The following ACTR5 variants were observed in gnomAD, a reference collection of about 807,000 sequenced individuals.
ACTR5 encodes the protein actin-related protein 5.
A neutral mutation model predicts 61.2 loss-of-function variants in ACTR5; 43 were observed. That is an observed-to-expected ratio of 0.70 (90% CI 0.55 to 0.91). ACTR5 has a LOEUF of 0.91. Among genes scored for constraint, ACTR5 ranks in the 40% least tolerant of loss-of-function variants. ACTR5 has a pLI of 0.00. For synonymous variants in ACTR5, 333 were observed against 310.5 expected (o/e 1.07, Z -0.76); for missense variants, 798 against 782.2 (o/e 1.02, Z -0.24).
At position 38,771,974 on chromosome 20, in the gene ACTR5, T is replaced by G. The variant is rs759174664; in HGVS notation, c.*158T>G. The G allele has an allele frequency of 8.7e-6, 9 of 1,039,864 alleles. No individual in the cohort carries two copies. Among genetic ancestry groups the G allele is most frequent in the Non-Finnish European group, 8.1e-6 (6 of 738,136 alleles). 64.4% of individuals were successfully genotyped at this position (1,039,864 alleles called of 1,614,324 possible). A position where few individuals can be genotyped will look rare whatever the true frequency, so the allele number is the denominator to read the frequency against. On this transcript the variant is annotated 3_prime_UTR_variant, in exon 9 of 9. Coordinates refer to ENST00000243903, the MANE Select transcript of ACTR5 (RefSeq NM_024855.4). ...TGGGGAGAACAAAGTTAAGGGACAC[T>G]GAGACCTGCCCTTCAGAATTCGGTT...
At chr20:38,770,211 G>T (rs2084511993) in intron 8 of ACTR5, among the ~76,000 whole-genome samples, 1 of 151,338 alleles carries the variant, frequency 6.6e-6, no homozygotes, top group South Asian at 2.1e-4. Context: ...TATGTATTCA[G>T]CAGTGGCTCA....
intron 2 of ACTR5, 35 bp downstream of exon 2, chr20:38,750,274 GAGA>G: frequency 1.9e-6 from 3 of 1,568,710 alleles, no homozygotes; most frequent in Non-Finnish European, 2.6e-6. Context: ...GTGCGATTTT[GAGA>G]AGCATTCAGG....
intron 4 of ACTR5, 55 bp from the exon 5 acceptor site, chr20:38,755,802 C>T: frequency 6.2e-7 from 1 of 1,603,642 alleles, no homozygotes; most frequent in Non-Finnish European, 8.5e-7. Flanking sequence ...CTGTCGTTTT[C>T]TCCGTTTGGC....
chr20:38,755,818 A>G (rs759028392), intron 4 of ACTR5, 39 bp from the exon 5 acceptor site: 3 of 1,611,930 alleles, frequency 1.9e-6, no homozygotes, highest in Middle Eastern at 1.7e-4. Flanking sequence ...TTGGCTTTGA[A>G]GCTACTTTCC....
chr20:38,761,299 A>G (rs2084452600), intron 5 of ACTR5, among the ~76,000 whole-genome samples: 1 of 152,114 alleles, frequency 6.6e-6, no homozygotes, highest in South Asian at 2.1e-4. Context: ...AGGTGGAGCT[A>G]TGGGAGGACA....
At chr20:38,762,490 T>C (rs1282147884) in intron 5 of ACTR5, among the ~76,000 whole-genome samples, 2 of 152,138 alleles carry the variant, frequency 1.3e-5, no homozygotes, top group Non-Finnish European at 2.9e-5. Flanking sequence ...TCCACCTCTG[T>C]TTGGGGAGTG....
chr20:38,771,964 T>G lies in ACTR5; in HGVS notation c.*148T>G. 1 of 1,148,136 alleles carries G rather than the reference T, an allele frequency of 8.7e-7. No homozygotes were observed. Among genetic ancestry groups the G allele is most frequent in the Non-Finnish European group, 1.2e-6 (1 of 835,284 alleles). 71.1% of individuals were successfully genotyped at this position (1,148,136 alleles called of 1,614,324 possible). On this transcript the variant is annotated 3_prime_UTR_variant, in exon 9 of 9. Coordinates refer to ENST00000243903, the MANE Select transcript of ACTR5 (RefSeq NM_024855.4). ...GGATTTCTCCTGGGGAGAACAAAGTTAAGGGACACTGAGACCTGCCCTTCA... is the reference window on the plus strand; with the variant it reads ...GGATTTCTCCTGGGGAGAACAAAGTGAAGGGACACTGAGACCTGCCCTTCA...
At chr20:38,760,900 G>GTA (rs1236914578) in intron 5 of ACTR5, among the ~76,000 whole-genome samples, 1 of 151,614 alleles carries the variant, frequency 6.6e-6, no homozygotes, top group Non-Finnish European at 1.5e-5. Context: ...ACAGGCTGGA[G>GTA]TATATGTTGT....
chr20:38,764,031 G>A (rs1568637261), intron 5 of ACTR5, among the ~76,000 whole-genome samples: 1 of 152,190 alleles, frequency 6.6e-6, no homozygotes, highest in African/African-American at 2.4e-5. Flanking sequence ...CATCTTGCAT[G>A]CCATATTTGC....
intron 2 of ACTR5, among the ~76,000 whole-genome samples, chr20:38,751,761 A>G (rs374049650): frequency 6.6e-6 from 1 of 152,190 alleles, no homozygotes; most frequent in Non-Finnish European, 1.5e-5. Flanking sequence ...ATTAAAATGC[A>G]GATCCCCAGG....
At chr20:38,757,542 A>G (rs1179780601) in intron 5 of ACTR5, among the ~76,000 whole-genome samples, 1 of 152,056 alleles carries the variant, frequency 6.6e-6, no homozygotes, top group African/African-American at 2.4e-5. Flanking sequence ...CCTTTCAGAA[A>G]AAAAATGATA....
intron 7 of ACTR5, 51 bp from the exon 8 acceptor site, chr20:38,767,413 C>T (rs1485299940): frequency 1.1e-5 from 16 of 1,495,424 alleles, no homozygotes; most frequent in African/African-American, 1.4e-5. Context: ...ATCCACATTT[C>T]GTTCTGATAT....
chr20:38,769,469 G>A (rs1045262950), intron 8 of ACTR5, among the ~76,000 whole-genome samples: 29 of 152,258 alleles, frequency 1.9e-4, no homozygotes, highest in Admixed American at 7.2e-4. Context: ...TGGATCTGGG[G>A]AGGGAAGTCG....
intron 3 of ACTR5, among the ~76,000 whole-genome samples, chr20:38,753,846 C>G (rs1454330592): frequency 7.0e-6 from 1 of 142,500 alleles, no homozygotes; most frequent in Admixed American, 7.0e-5. Flanking sequence ...CTGTTTCTCT[C>G]TCCTGCCTCC....
intron 1 of ACTR5, 37 bp downstream of exon 1, chr20:38,748,890 A>G (rs906896114): frequency 3.8e-6 from 6 of 1,567,856 alleles, no homozygotes; most frequent in Non-Finnish European, 3.5e-6. Context: ...GCTGGGTTTG[A>G]GGGGAGGGGT....
At chr20:38,748,909 G>C (rs936349985) in intron 1 of ACTR5, 56 bp downstream of exon 1, 2 of 1,537,506 alleles carry the variant, frequency 1.3e-6, no homozygotes, top group African/African-American at 2.8e-5. Context: ...GTGCGGTCTC[G>C]TCTCCGCTCA....
intron 8 of ACTR5, among the ~76,000 whole-genome samples, chr20:38,771,043 C>G (rs555233680): frequency 5.9e-5 from 9 of 152,330 alleles, no homozygotes; most frequent in Middle Eastern, 3.4e-3. Context: ...GAACCCCAGC[C>G]CAACTCCAGT....
At chr20:38,754,831 C>A in intron 3 of ACTR5, 126 bp from the exon 4 acceptor site, 1 of 817,132 alleles carries the variant, frequency 1.2e-6, no homozygotes, top group Non-Finnish European at 2.0e-6. Flanking sequence ...CCTCGTGATC[C>A]GCCCACCTCG....
Position 38,748,474 on chromosome 20 carries a change from C to T in ACTR5, c.-5C>T. 1.1e-5 allele frequency: 16 copies of T among 1,481,860 alleles called. No homozygotes were observed. The highest frequency in any genetic ancestry group is 1.4e-5 in the Non-Finnish European group (16 of 1,124,320). 91.8% of individuals were successfully genotyped at this position (1,481,860 alleles called of 1,614,324 possible). A position where few individuals can be genotyped will look rare whatever the true frequency, so the allele number is the denominator to read the frequency against. Reference sequence around the variant, plus strand: ...CGAGGGGCGGGGCTGGACGCGCGCTCCAAGATGGCGGCGAACGTGTTCCCG... The same window carrying T: ...CGAGGGGCGGGGCTGGACGCGCGCTTCAAGATGGCGGCGAACGTGTTCCCG... On this transcript the variant is annotated 5_prime_UTR_variant, in exon 1 of 9. Coordinates refer to ENST00000243903, the MANE Select transcript of ACTR5 (RefSeq NM_024855.4).
Sources: allele counts gnomAD v4.1 joint callset (sites outside exome capture counted in the v4.1 genomes callset), GRCh38; gene constraint gnomAD v4.1.1; transcripts MANE v1.5; gene names NCBI Gene and HGNC (gene_info 2026-07-23, HGNC 2026-07-21).